Variants in MYBPC3 observed in about 807,000 individuals in gnomAD.
MYBPC3 encodes myosin binding protein C3, also known as myosin-binding protein C, cardiac-type.
In MYBPC3, 108 loss-of-function variants were observed where a neutral mutation model predicts 159.3. That is an observed-to-expected ratio of 0.68 (90% confidence interval 0.58 to 0.80). The LOEUF is 0.80. Ranked by LOEUF, MYBPC3 falls within the 30% of genes least tolerant of loss-of-function variation. The probability of loss-of-function intolerance (pLI) is 0.00; values close to 1 mark genes in which losing one functional copy is unlikely to be tolerated. For synonymous variants in MYBPC3, 730 were observed against 702.0 expected, an observed-to-expected ratio of 1.04 and a Z score of -0.63; for missense variants, 1,631 against 1,762.1, an observed-to-expected ratio of 0.93 and a Z score of 1.33.
Position 47,333,978 on chromosome 11 carries a change from G to A in MYBPC3, c.2938C>T (p.Arg980Cys), listed in dbSNP as rs397515994. ...CCGACCTTCTTCTGAATGGTCTGGC[G>A]CAGGTGCCTGGGCAGCTGAAGCCGT... Reference protein sequence around the residue: ...RPRLQLPRHLRQTIQKKVGEP... With the variant: ...RPRLQLPRHLCQTIQKKVGEP... The change falls in exon 28 of 35, where the codon CGC becomes TGC. Residue 980 changes from arginine (R) to cysteine (C), a missense_variant. Physicochemically the swap from Arg to Cys is radical, Grantham distance 180. Coordinates refer to ENST00000545968, the MANE Select transcript of MYBPC3 (RefSeq NM_000256.3). 2.2e-5 allele frequency: 35 copies of A among 1,585,082 alleles called. No individual in the cohort carries two copies. Among genetic ancestry groups the A allele is most frequent in the Middle Eastern group, 1.7e-4 (1 of 6,038 alleles).
Position 47,346,019 on chromosome 11 carries a change from G to A in MYBPC3, c.1090+188C>T, listed in dbSNP as rs535618935. Reference sequence around the variant, plus strand: ...TCTACACAAGGAGGGGTTAACCTGGGCTCTTCTTTCCTGTGAGTCTCTGTG... The same window carrying A: ...TCTACACAAGGAGGGGTTAACCTGGACTCTTCTTTCCTGTGAGTCTCTGTG... On this transcript the variant is annotated intron_variant, in intron 12 of 34. Transcript: ENST00000545968. This position sits in a 1 kb window ranked among gnomAD's most constrained non-coding sequence, Gnocchi z 5.3. 6.6e-6 allele frequency among the ~76,000 whole-genome samples: 1 copy of A among 152,216 alleles called. No individual in the cohort carries two copies. Among genetic ancestry groups the A allele is most frequent in the African/African-American group, 2.4e-5 (1 of 41,532 alleles).
chr11:47,342,254 G>A (rs1565627676), intron 17 of MYBPC3, 98 bp from the exon 18 acceptor site: 7 of 1,412,158 alleles, frequency 5.0e-6, no homozygotes, highest in South Asian at 1.4e-5. Context: ...TGGTGCGCAC[G>A]TGTCTGGGTG....
intron 20 of MYBPC3, 150 bp downstream of exon 20, chr11:47,340,853 G>T: frequency 1.2e-6 from 1 of 840,110 alleles, no homozygotes; most frequent in Non-Finnish European, 1.8e-6. Flanking sequence ...GATTATAATT[G>T]ACCCATGGTC....
chr11:47,339,495 A>G, intron 21 of MYBPC3, 91 bp from the exon 22 acceptor site: 1 of 1,512,006 alleles, frequency 6.6e-7, no homozygotes, highest in Middle Eastern at 1.7e-4. Context: ...CCTGACCCAC[A>G]CTGCCCACCT....
Position 47,332,581 on chromosome 11 carries a change from G to T in MYBPC3, c.3612C>A (p.Val1204=). 6.2e-7 allele frequency: 1 copy of T among 1,612,754 alleles called. No individual in the cohort carries two copies. The highest frequency in any genetic ancestry group is 8.5e-7 in the Non-Finnish European group (1 of 1,179,034). The part of the protein sequence containing the change: ...AGYTAMLCCA[V]RGSPKPKISW... Reference sequence around the variant, plus strand: ...AGTTCCCTACCTTGGGGCTACCCCGGACAGCACAGCAGAGCATAGCAGTGT... The same window carrying T: ...AGTTCCCTACCTTGGGGCTACCCCGTACAGCACAGCAGAGCATAGCAGTGT... Residue 1204 remains valine, a synonymous_variant, in exon 32 of 35, where the codon GTC becomes GTA. Coordinates refer to ENST00000545968, the MANE Select transcript of MYBPC3 (RefSeq NM_000256.3). The surrounding 1 kb of genome is among the most constrained non-coding windows in gnomAD (Gnocchi z 4.2).
At chr11:47,335,853 G>A (rs2095881679) in intron 26 of MYBPC3, 24 bp downstream of exon 26, 2 of 1,437,340 alleles carry the variant, frequency 1.4e-6, no homozygotes, top group African/African-American at 1.5e-5. Flanking sequence ...TTTGGGGAGG[G>A]GGGTTGGGGG....
chr11:47,332,384 G>T lies in MYBPC3; in HGVS notation c.3628-126C>A. 2.1e-6 allele frequency: 3 copies of T among 1,422,716 alleles called. No individual in the cohort carries two copies. The highest frequency in any genetic ancestry group is 2.9e-6 in the Non-Finnish European group (3 of 1,031,280). 88.1% of individuals were successfully genotyped at this position (1,422,716 alleles called of 1,614,324 possible). On this transcript the variant is annotated intron_variant, in intron 32 of 34. Coordinates refer to ENST00000545968, the MANE Select transcript of MYBPC3 (RefSeq NM_000256.3). This position sits in a 1 kb window ranked among gnomAD's most constrained non-coding sequence, Gnocchi z 4.2. Reference sequence around the variant, plus strand: ...ACGAGAGTCCCTGACTATGCCCAAGGCTGGAAACAAACATGGAACCAAGAG... The same window carrying T: ...ACGAGAGTCCCTGACTATGCCCAAGTCTGGAAACAAACATGGAACCAAGAG...
rs529295816 is a variant in MYBPC3 at position 47,350,410 on chromosome 11, G to C, written c.406+92C>G. 9.3e-5 allele frequency: 141 copies of C among 1,516,774 alleles called. No individual in the cohort carries two copies. In the South Asian group the frequency reaches 1.7e-3, roughly 19 times the overall value. The allele number at this position is 1,516,774 out of a possible 1,614,324, so 94.0% of individuals were successfully genotyped here. On this transcript the variant is annotated intron_variant, in intron 3 of 34. Coordinates refer to ENST00000545968, the MANE Select transcript of MYBPC3 (RefSeq NM_000256.3). ...AAAGTACTGGGGATTATAGGCCTGAGCCACCGCACCTGGCCCAGCAAAGGC... is the reference window on the plus strand; with the variant it reads ...AAAGTACTGGGGATTATAGGCCTGACCCACCGCACCTGGCCCAGCAAAGGC...
In MYBPC3 at chr11:47,342,085, A is replaced by T. The variant is rs730880695; in HGVS notation, c.1696T>A (p.Cys566Ser). The T allele has an allele frequency of 6.2e-7, 1 of 1,613,800 alleles. No individual in the cohort carries two copies. Among genetic ancestry groups the T allele is most frequent in the Non-Finnish European group, 8.5e-7 (1 of 1,179,846 alleles). ...CGAACATTCTCATCTGAGACCTCACATTTGAACACCGCCTGGTCCTTTGCG... is the reference window on the plus strand; with the variant it reads ...CGAACATTCTCATCTGAGACCTCACTTTTGAACACCGCCTGGTCCTTTGCG... ...VGAKDQAVFKCEVSDENVRGV... is the reference protein window; with the variant it reads ...VGAKDQAVFKSEVSDENVRGV... Residue 566 changes from cysteine (C) to serine (S), a missense_variant, in exon 18 of 35, where the codon TGT becomes AGT. Transcript: ENST00000545968.
Position 47,332,633 on chromosome 11 carries a change from A to G in MYBPC3, c.3560T>C (p.Leu1187Pro). The G allele has an allele frequency of 6.2e-7, 1 of 1,613,848 alleles. No homozygotes were observed. Among genetic ancestry groups the G allele is most frequent in the Non-Finnish European group, 8.5e-7 (1 of 1,179,848 alleles). ...FSEAPSFTQP[L>P]VNRSVIAGYT... is the part of the protein sequence containing the mutation. Reference sequence around the variant, plus strand: ...GCCCGCGATGACCGAGCGGTTCACCAGGGGCTGGGTGAAGCTTGGGGCCTC... The same window carrying G: ...GCCCGCGATGACCGAGCGGTTCACCGGGGGCTGGGTGAAGCTTGGGGCCTC... Residue 1187 changes from leucine (L) to proline (P), a missense_variant, in exon 32 of 35, where the codon CTG becomes CCG. By Grantham distance (98) the Leu-to-Pro change is moderately conservative. Transcript: ENST00000545968. This position sits in a 1 kb window ranked among gnomAD's most constrained non-coding sequence, Gnocchi z 4.2.
Position 47,343,636 on chromosome 11 carries a change from C to T in MYBPC3, c.1091-12G>A, listed in dbSNP as rs756934267. The T allele has an allele frequency of 6.3e-7, 1 of 1,599,556 alleles. No homozygotes were observed. On this transcript the variant is annotated splice_polypyrimidine_tract_variant and intron_variant, in intron 12 of 34. Transcript: ENST00000545968. ...CTTCTTCTGAAAGGCTGAGCACCAC[C>T]CCTCAGCCCCGGCCACCCCACCGCC... is the stretch of plus-strand genomic sequence containing the variant.
At chr11:47,335,617 G>A (rs1433676225) in intron 26 of MYBPC3, 5 of 377,626 alleles carry the variant, frequency 1.3e-5, no homozygotes, top group Admixed American at 4.5e-5. Context: ...GTAAGCCATC[G>A]CGCCTGGCCT....
intron 15 of MYBPC3, 38 bp downstream of exon 15, chr11:47,342,983 C>A: frequency 6.2e-7 from 1 of 1,612,690 alleles, no homozygotes; most frequent in Non-Finnish European, 8.5e-7. Flanking sequence ...GAGGCCATCT[C>A]CTCCCCAGGT....
In MYBPC3 at chr11:47,339,730, G is replaced by C; in HGVS notation, c.1988C>G (p.Ala663Gly). The change falls in exon 21 of 35, where the codon GCT becomes GGT. Residue 663 changes from alanine (A) to glycine (G), a missense_variant. Coordinates refer to ENST00000545968, the MANE Select transcript of MYBPC3 (RefSeq NM_000256.3). ...GRIPDTIVVV[A>G]GNKLRLDVPI... is the part of the protein sequence containing the mutation. ...GACGTCCAGACGTAGCTTATTTCCA[G>C]CTACAACCACAATGGTGTCTGGTAT... is the stretch of plus-strand genomic sequence containing the variant. 3 of 1,613,938 alleles carry C rather than the reference G, an allele frequency of 1.9e-6. No homozygotes were observed. The highest frequency in any genetic ancestry group is 2.5e-6 in the Non-Finnish European group (3 of 1,179,826).
rs371308153 is a variant in MYBPC3 at position 47,346,226 on chromosome 11, G to A, written c.1071C>T (p.Arg357=). The A allele has an allele frequency of 2.2e-5, 35 of 1,613,740 alleles. No individual in the cohort carries two copies. In the African/African-American group the frequency reaches 2.5e-4, roughly 12 times the overall value. ...GCTAACCTGTGCTCTTCTTCTCATC[G>A]CGCCTCATGCCCTTGAGCCTCTTTA... ...GMLKRLKGMR[R]DEKKSTAFQK... Residue 357 remains arginine, a synonymous_variant, in exon 12 of 35, where the codon CGC becomes CGT. Coordinates refer to ENST00000545968, the MANE Select transcript of MYBPC3 (RefSeq NM_000256.3). The surrounding 1 kb of genome is among the most constrained non-coding windows in gnomAD (Gnocchi z 5.3).
At chr11:47,348,599 C>T (rs576812684) in intron 5 of MYBPC3, 58 bp from the exon 6 acceptor site, 56 of 1,406,548 alleles carry the variant, frequency 4.0e-5, no homozygotes, top group South Asian at 7.5e-5. Context: ...GACAAGGCTC[C>T]GCACCCTTAA....
At position 47,339,668 on chromosome 11, in the gene MYBPC3, G is replaced by A; in HGVS notation, c.2050C>T (p.Gln684Ter). The A allele has an allele frequency of 6.2e-7, 1 of 1,607,106 alleles. No individual in the cohort carries two copies. The highest frequency in any genetic ancestry group is 8.5e-7 in the Non-Finnish European group (1 of 1,176,152). Residue 684 changes from glutamine to a stop codon, truncating the protein, a stop_gained, in exon 21 of 35, where the codon CAG becomes TAG. Coordinates refer to ENST00000545968, the MANE Select transcript of MYBPC3 (RefSeq NM_000256.3). LOFTEE classifies it high-confidence loss of function. Reference sequence around the variant, plus strand: ...CACAGTACCTGCGTGATAGCCTTCTGCCAGATCACAGTGGGAGCAGGGTCC... The same window carrying A: ...CACAGTACCTGCGTGATAGCCTTCTACCAGATCACAGTGGGAGCAGGGTCC... ...SGDPAPTVIW[Q>*]KAITQGNKAP...
At position 47,338,544 on chromosome 11, in the gene MYBPC3, C is replaced by G; in HGVS notation, c.2284G>C (p.Val762Leu). ...CCGATGACCTTGACTGTGAGGTTGA[C>G]CTGGTCCTCGCCCACAGGGTTCTTC... ...TVKNPVGEDQVNLTVKVIDVP... is the reference protein window; with the variant it reads ...TVKNPVGEDQLNLTVKVIDVP... The change falls in exon 23 of 35, where the codon GTC (valine) becomes CTC (leucine). Residue 762 changes from valine to leucine, a missense_variant. Physicochemically the swap from Val to Leu is conservative, Grantham distance 32. Transcript: ENST00000545968. This position sits in a 1 kb window ranked among gnomAD's most constrained non-coding sequence, Gnocchi z 4.7. 1 of 1,614,046 alleles carries G rather than the reference C, an allele frequency of 6.2e-7. No individual in the cohort carries two copies. Among genetic ancestry groups the G allele is most frequent in the African/African-American group, 1.3e-5 (1 of 75,058 alleles).
chr11:47,342,529 T>C lies in MYBPC3; in HGVS notation c.1624+49A>G, dbSNP rs76325615. On this transcript the variant is annotated intron_variant, in intron 17 of 34. Coordinates refer to ENST00000545968, the MANE Select transcript of MYBPC3 (RefSeq NM_000256.3). ...CTACAGGGCTAGGTGGGGTGGGGGC[T>C]GAGGGGTCCAAGCCCTAAAGCCTCA... The C allele has an allele frequency of 2.7e-6, 4 of 1,487,192 alleles. 1 individual carries two copies. In the South Asian group the frequency reaches 4.1e-5, roughly 15 times the overall value. 92.1% of individuals were successfully genotyped at this position (1,487,192 alleles called of 1,614,324 possible).
Sources: gnomAD v4.1 joint callset for allele counts (sites outside exome capture counted in the v4.1 genomes callset) on GRCh38, gnomAD v4.1.1 for gene constraint, Gnocchi (gnomAD v3.1) non-coding constraint, MANE v1.5 for transcripts, NCBI Gene and HGNC (gene_info 2026-07-23, HGNC 2026-07-21) for gene names.